KCNIP4: variants seen among roughly 807,000 people sequenced by gnomAD.
The protein encoded by KCNIP4 is Kv channel-interacting protein 4.
In KCNIP4, 12 loss-of-function variants were observed where a neutral mutation model predicts 34.0. The ratio of observed to expected loss-of-function variants is 0.35; its 90% CI spans 0.23 to 0.57. The LOEUF (loss-of-function observed/expected upper bound fraction) is 0.57. Among genes scored for constraint, KCNIP4 ranks in the 20% least tolerant of loss-of-function variants. KCNIP4 has a pLI of 0.83. For synonymous variants in KCNIP4, 124 were observed against 102.2 expected (o/e 1.21, Z -1.29); for missense variants, 238 against 311.7 (o/e 0.76, Z 1.78).
rs200984425 is a variant in KCNIP4, at chr4:21,782,902, G to GA, written c.61+165668dup. Among the ~76,000 whole-genome samples, 981 of 152,048 alleles carry GA rather than the reference G, an allele frequency of 6.5e-3. 8 individuals are homozygous for GA. The highest frequency in any genetic ancestry group is 0.021 in the African/African-American group (865 of 41,482). On this transcript the variant is annotated intron_variant, in intron 1 of 8. Coordinates refer to ENST00000382152, the MANE Select transcript of KCNIP4 (RefSeq NM_025221.6). ...GGATCTCAAAGTCATTATGCCTACTGAAAAAAAGCCAATCTCAAACATTAT... is the reference window on the plus strand; with the variant it reads ...GGATCTCAAAGTCATTATGCCTACTGAAAAAAAAGCCAATCTCAAACATTAT...
At chr4:20,940,371 A>G (rs1376825008) in intron 1 of KCNIP4, among the ~76,000 whole-genome samples, 1 of 152,184 alleles carries the variant, frequency 6.6e-6, no homozygotes, top group Non-Finnish European at 1.5e-5. Context: ...GCTGTATCTC[A>G]TTTATCTAAG....
rs115647478 is a variant in KCNIP4, at chr4:21,667,840, G to A, written c.61+280731C>T. On this transcript the variant is annotated intron_variant, in intron 1 of 8. Transcript: ENST00000382152. ...TTGATGGAAGAAAAGGAAGTTCTACGGTGGGACAGGCGGTGCAGCAAGCTG... is the reference window on the plus strand; with the variant it reads ...TTGATGGAAGAAAAGGAAGTTCTACAGTGGGACAGGCGGTGCAGCAAGCTG... 1.4e-3 allele frequency among the ~76,000 whole-genome samples: 215 copies of A among 152,324 alleles called. 1 individual carries two copies. Among genetic ancestry groups the A allele is most frequent in the African/African-American group, 5.0e-3 (207 of 41,580 alleles).
chr4:21,539,599 T>C (rs1174486615), intron 1 of KCNIP4, among the ~76,000 whole-genome samples: 1 of 152,176 alleles, frequency 6.6e-6, no homozygotes, highest in Admixed American at 6.5e-5. Flanking sequence ...ATCACTGAAA[T>C]AGTCATGTCC....
In KCNIP4 at chr4:21,715,588, A is replaced by G. The variant is rs547978352; in HGVS notation, c.61+232983T>C. Among the ~76,000 whole-genome samples the G allele has an allele frequency of 3.9e-5, 6 of 152,278 alleles. No individual in the cohort carries two copies. In the East Asian group the frequency reaches 1.2e-3, roughly 29 times the overall value. ...CTCTTTTGTCTTGATACAACATTAG[A>G]TGTCTCTGACATTTTTGCTACAAAA... On this transcript the variant is annotated intron_variant, in intron 1 of 8. Transcript: ENST00000382152.
At chr4:20,829,593 T>A (rs1323269338) in intron 3 of KCNIP4, among the ~76,000 whole-genome samples, 1 of 152,158 alleles carries the variant, frequency 6.6e-6, no homozygotes, top group African/African-American at 2.4e-5. Context: ...TAGGATTTTT[T>A]TCTATAATAT....
intron 1 of KCNIP4, among the ~76,000 whole-genome samples, chr4:21,391,543 G>A (rs529604241): frequency 2.6e-5 from 4 of 151,940 alleles, no homozygotes; most frequent in Non-Finnish European, 4.4e-5. Flanking sequence ...CTCCCCTAAC[G>A]TGGAGAATAA....
chr4:20,967,098 G>A (rs1734427630), intron 1 of KCNIP4, among the ~76,000 whole-genome samples: 2 of 152,222 alleles, frequency 1.3e-5, no homozygotes, highest in East Asian at 1.9e-4. Flanking sequence ...GTCATAAAAG[G>A]ACCCTGGGCA....
At chr4:21,672,232 G>T (rs958797179) in intron 1 of KCNIP4, among the ~76,000 whole-genome samples, 8 of 152,132 alleles carry the variant, frequency 5.3e-5, no homozygotes, top group Non-Finnish European at 8.8e-5. Context: ...GTATACTTAT[G>T]TAACAAACCT....
At chr4:21,238,989 A>G (rs1577942496) in intron 1 of KCNIP4, among the ~76,000 whole-genome samples, 1 of 152,190 alleles carries the variant, frequency 6.6e-6, no homozygotes, top group Admixed American at 6.5e-5. Flanking sequence ...ACAAGGCTAC[A>G]GTAACCAAAA....
intron 1 of KCNIP4, among the ~76,000 whole-genome samples, chr4:20,960,144 GCA>G: frequency 6.6e-6 from 1 of 152,280 alleles, no homozygotes; most frequent in South Asian, 2.1e-4. Context: ...GAAATGAGGA[GCA>G]CATATGATAA....
intron 1 of KCNIP4, among the ~76,000 whole-genome samples, chr4:21,134,321 T>G (rs1350463761): frequency 2.0e-5 from 3 of 152,218 alleles, no homozygotes; most frequent in Admixed American, 1.3e-4. Flanking sequence ...TCTCCTTCTT[T>G]TAATCTTTTT....
At chr4:20,929,215 G>C (rs1045496974) in intron 1 of KCNIP4, among the ~76,000 whole-genome samples, 4 of 151,970 alleles carry the variant, frequency 2.6e-5, no homozygotes, top group South Asian at 2.1e-4. Flanking sequence ...AGCATGCAAG[G>C]CTGGTTTAAC....
At chr4:21,372,496 G>A (rs1720560490) in intron 1 of KCNIP4, among the ~76,000 whole-genome samples, 1 of 146,808 alleles carries the variant, frequency 6.8e-6, no homozygotes. Flanking sequence ...TAAATAGCTT[G>A]TTAAATTCAG....
chr4:20,910,880 C>T (rs537124489), intron 1 of KCNIP4, among the ~76,000 whole-genome samples: 1 of 152,262 alleles, frequency 6.6e-6, no homozygotes, highest in African/African-American at 2.4e-5. Flanking sequence ...TAGAGGCAGT[C>T]TTTGGACCTG....
At chr4:21,672,475 C>A (rs1749580846) in intron 1 of KCNIP4, among the ~76,000 whole-genome samples, 1 of 152,156 alleles carries the variant, frequency 6.6e-6, no homozygotes, top group African/African-American at 2.4e-5. Flanking sequence ...CAGGCTGGAT[C>A]TGATATAATA....
chr4:21,754,179 A>G (rs1717348696), intron 1 of KCNIP4, among the ~76,000 whole-genome samples: 1 of 152,280 alleles, frequency 6.6e-6, no homozygotes, highest in Non-Finnish European at 1.5e-5. Context: ...TTCGCTCAAT[A>G]AAATTTATTT....
At chr4:21,710,817 A>G (rs1713666813) in intron 1 of KCNIP4, among the ~76,000 whole-genome samples, 1 of 152,226 alleles carries the variant, frequency 6.6e-6, no homozygotes, top group Non-Finnish European at 1.5e-5. Flanking sequence ...AATTCTAAAT[A>G]TCATTAAAAT....
At chr4:20,791,736 T>C (rs1046688571) in intron 3 of KCNIP4, among the ~76,000 whole-genome samples, 5 of 152,230 alleles carry the variant, frequency 3.3e-5, no homozygotes, top group Non-Finnish European at 7.3e-5. Flanking sequence ...ATCTAGATAT[T>C]TGGTCATACT....
At chr4:20,829,429 A>T (rs111426232) in intron 3 of KCNIP4, among the ~76,000 whole-genome samples, 8 of 152,038 alleles carry the variant, frequency 5.3e-5, no homozygotes, top group African/African-American at 1.9e-4. Flanking sequence ...GGATGGTCTC[A>T]ATCTTCTGAC....
Sources: allele counts gnomAD v4.1 joint callset (sites outside exome capture counted in the v4.1 genomes callset), GRCh38; gene constraint gnomAD v4.1.1; transcripts MANE v1.5; gene names NCBI Gene and HGNC (gene_info 2026-07-23, HGNC 2026-07-21).